Variants in SLC37A2 observed in about 807,000 individuals in gnomAD.
SLC37A2 encodes the protein glucose-6-phosphate exchanger SLC37A2.
In SLC37A2, 59 loss-of-function variants were observed where a neutral mutation model predicts 70.7. The ratio of observed to expected loss-of-function variants is 0.83; its 90% confidence interval spans 0.68 to 1.04. The LOEUF is 1.04. Among genes scored for constraint, SLC37A2 ranks in the 50% least tolerant of loss-of-function variants. The pLI, the probability that SLC37A2 is intolerant of heterozygous loss-of-function variation, is 0.00. For synonymous variants in SLC37A2, 257 were observed against 262.1 expected (o/e 0.98, Z 0.19); for missense variants, 580 against 658.1 (o/e 0.88, Z 1.30).
In SLC37A2 at chr11:125,081,860, G is replaced by T; in HGVS notation, c.839G>T (p.Cys280Phe). ...GTGGCCAAATGCTCCAAGGGGCCATGCGAAGAGCCTGCTGCCATCAGCTTC... is the reference window on the plus strand; with the variant it reads ...GTGGCCAAATGCTCCAAGGGGCCATTCGAAGAGCCTGCTGCCATCAGCTTC... Reference protein sequence around the residue: ...ETVAKCSKGPCEEPAAISFFG... With the variant: ...ETVAKCSKGPFEEPAAISFFG... Residue 280 changes from cysteine to phenylalanine, a missense_variant, in exon 9 of 18, where the codon TGC becomes TTC. Transcript: ENST00000403796. 1 of 1,613,880 alleles carries T rather than the reference G, an allele frequency of 6.2e-7. No homozygotes were observed. Among genetic ancestry groups the T allele is most frequent in the Non-Finnish European group, 8.5e-7 (1 of 1,179,846 alleles).
chr11:125,086,629 C>G, intron 17 of SLC37A2: 1 of 310,968 alleles, frequency 3.2e-6, no homozygotes, highest in South Asian at 3.1e-5. Flanking sequence ...ACAAAAGCAA[C>G]TACCAATCAA....
rs1358236116 is a variant in SLC37A2, at chr11:125,079,264, T to G, written c.450+17T>G. 2 of 1,613,954 alleles carry G rather than the reference T, an allele frequency of 1.2e-6. No homozygotes were observed. Among genetic ancestry groups the G allele is most frequent in the Non-Finnish European group, 8.5e-7 (1 of 1,179,954 alleles). On this transcript the variant is annotated intron_variant, in intron 5 of 17. Coordinates refer to ENST00000403796, the MANE Select transcript of SLC37A2 (RefSeq NM_001145290.2). ...GTCATCCAGGTATGAATCACCGTCT[T>G]GCACTTGGGCCTGTGTTGCCGTCTC...
rs1378171803 is a variant in SLC37A2, at chr11:125,088,795, C to G, written c.*661C>G. 1 of 152,238 alleles carries G rather than the reference C, an allele frequency of 6.6e-6. No individual in the cohort carries two copies. The highest frequency in any genetic ancestry group is 1.5e-5 in the Non-Finnish European group (1 of 68,148). 9.4% of individuals were successfully genotyped at this position (152,238 alleles called of 1,614,324 possible). On this transcript the variant is annotated 3_prime_UTR_variant, in exon 18 of 18. Coordinates refer to ENST00000403796, the MANE Select transcript of SLC37A2 (RefSeq NM_001145290.2). ...GCACATGCCGGCCCTGAGTGCCTCCCTTGCCTCACTCTGATCCTGGCCCCA... is the reference window on the plus strand; with the variant it reads ...GCACATGCCGGCCCTGAGTGCCTCCGTTGCCTCACTCTGATCCTGGCCCCA...
Position 125,083,899 on chromosome 11 carries a change from C to A in SLC37A2, c.1039+22C>A. On this transcript the variant is annotated intron_variant, in intron 11 of 17. Coordinates refer to ENST00000403796, the MANE Select transcript of SLC37A2 (RefSeq NM_001145290.2). The surrounding 1 kb of genome is among the most constrained non-coding windows in gnomAD (Gnocchi z 4.6). ...ATAGGTGAGGCCTTGCCCTGCTCTGCCAGCAGGCTCCCTTCCCCTCTTTTC... is the reference window on the plus strand; with the variant it reads ...ATAGGTGAGGCCTTGCCCTGCTCTGACAGCAGGCTCCCTTCCCCTCTTTTC... The A allele has an allele frequency of 6.2e-7, 1 of 1,609,238 alleles. No individual in the cohort carries two copies. Among genetic ancestry groups the A allele is most frequent in the Non-Finnish European group, 8.5e-7 (1 of 1,175,644 alleles).
chr11:125,070,051 G>C (rs1057009868), intron 1 of SLC37A2, among the ~76,000 whole-genome samples: 1 of 152,260 alleles, frequency 6.6e-6, no homozygotes, highest in Admixed American at 6.5e-5. Flanking sequence ...GGCCCTCTGA[G>C]GGGGATGGCC....
intron 1 of SLC37A2, among the ~76,000 whole-genome samples, chr11:125,065,548 C>T (rs888889910): frequency 2.6e-4 from 40 of 152,162 alleles, no homozygotes; most frequent in Non-Finnish European, 2.1e-4. Context: ...CTGGGCTAGC[C>T]AGAGAGTGAC....
intron 15 of SLC37A2, 46 bp from the exon 16 acceptor site, chr11:125,085,531 C>A (rs369858498): frequency 8.1e-6 from 13 of 1,612,796 alleles, no homozygotes; most frequent in African/African-American, 2.7e-5. Context: ...CTCCGGTGGG[C>A]AGGGGAGGTG....
At chr11:125,075,205 G>A (rs527350640) in intron 1 of SLC37A2, among the ~76,000 whole-genome samples, 4 of 152,308 alleles carry the variant, frequency 2.6e-5, no homozygotes, top group African/African-American at 7.2e-5. Flanking sequence ...AGGACTGCAG[G>A]GTTCTTCCAT....
rs749665762 is a variant in SLC37A2 at position 125,085,147 on chromosome 11, G to A, written c.1248+8G>A. ...GCTGTCTCTGCTGATCTGGTGAGTG[G>A]GGCCACCTCCCGAGGGCCAGGGACC... On this transcript the variant is annotated splice_region_variant and intron_variant, in intron 14 of 17. Transcript: ENST00000403796. 1.2e-6 allele frequency: 2 copies of A among 1,613,280 alleles called. No individual in the cohort carries two copies. The highest frequency in any genetic ancestry group is 2.2e-5 in the South Asian group (2 of 91,078).
intron 4 of SLC37A2, among the ~76,000 whole-genome samples, chr11:125,078,268 G>T (rs971746850): frequency 2.0e-5 from 3 of 152,246 alleles, no homozygotes; most frequent in African/African-American, 7.2e-5. Context: ...TAGCAGCAGG[G>T]CTGAGGGCTG....
intron 16 of SLC37A2, 48 bp downstream of exon 16, chr11:125,085,722 T>C (rs1425078774): frequency 1.3e-6 from 2 of 1,586,592 alleles, no homozygotes; most frequent in Admixed American, 3.3e-5. Context: ...TGCTCTGTCC[T>C]GCCAGACTGG....
At chr11:125,079,274 C>A in intron 5 of SLC37A2, 27 bp downstream of exon 5, 1 of 1,613,616 alleles carries the variant, frequency 6.2e-7, no homozygotes, top group Non-Finnish European at 8.5e-7. Context: ...TGCACTTGGG[C>A]CTGTGTTGCC....
chr11:125,073,270 A>G (rs60117770), intron 1 of SLC37A2, among the ~76,000 whole-genome samples: 7 of 152,190 alleles, frequency 4.6e-5, no homozygotes, highest in Non-Finnish European at 1.0e-4. Flanking sequence ...CCAAGAAGCC[A>G]TAGGGCCCAC....
At chr11:125,066,961 A>G (rs1948986250) in intron 1 of SLC37A2, among the ~76,000 whole-genome samples, 3 of 142,870 alleles carry the variant, frequency 2.1e-5, no homozygotes, top group African/African-American at 8.3e-5. Flanking sequence ...GCAGCCTAGT[A>G]ACTATTTTAT....
chr11:125,072,665 C>G (rs556359160), intron 1 of SLC37A2, among the ~76,000 whole-genome samples: 10 of 152,338 alleles, frequency 6.6e-5, no homozygotes, highest in African/African-American at 2.4e-4. Flanking sequence ...GGGTTCTAAA[C>G]ATGGAAGGAG....
intron 1 of SLC37A2, among the ~76,000 whole-genome samples, chr11:125,072,981 C>T (rs1949044970): frequency 6.6e-6 from 1 of 152,178 alleles, no homozygotes. Flanking sequence ...TGAGGACCCC[C>T]CACCCGCCAC....
At chr11:125,073,054 G>A (rs1949046003) in intron 1 of SLC37A2, among the ~76,000 whole-genome samples, 1 of 152,194 alleles carries the variant, frequency 6.6e-6, no homozygotes, top group African/African-American at 2.4e-5. Context: ...AGCATCATGG[G>A]GGACTCCAGG....
rs1949258595 is a variant in SLC37A2, at chr11:125,089,349, C to T, written c.*1215C>T. The T allele has an allele frequency of 1.3e-5, 2 of 155,326 alleles. No homozygotes were observed. The highest frequency in any genetic ancestry group is 2.4e-5 in the African/African-American group (1 of 41,524). 9.6% of individuals were successfully genotyped at this position (155,326 alleles called of 1,614,324 possible). Reference sequence around the variant, plus strand: ...CAGCGTGCTGGCAGTCCTCACAGCCCTCGCTCGCTCTCGGCGCCTCCTCTG... The same window carrying T: ...CAGCGTGCTGGCAGTCCTCACAGCCTTCGCTCGCTCTCGGCGCCTCCTCTG... On this transcript the variant is annotated 3_prime_UTR_variant, in exon 18 of 18. Transcript: ENST00000403796.
chr11:125,085,801 G>A, intron 16 of SLC37A2, 127 bp downstream of exon 16: 2 of 1,261,374 alleles, frequency 1.6e-6, no homozygotes, highest in South Asian at 1.3e-5. Flanking sequence ...CCTTTGCTCA[G>A]AAGCACTCTC....
Sources: gnomAD v4.1 joint callset for allele counts (sites outside exome capture counted in the v4.1 genomes callset) on GRCh38, gnomAD v4.1.1 for gene constraint, Gnocchi (gnomAD v3.1) non-coding constraint, MANE v1.5 for transcripts, NCBI Gene and HGNC (gene_info 2026-07-23, HGNC 2026-07-21) for gene names.